NYAP2: variants seen among roughly 807,000 people sequenced by gnomAD.
The protein encoded by NYAP2 is neuronal tyrosine-phosphorylated phosphoinositide-3-kinase adaptor 2.
NYAP2 carries 23 observed loss-of-function variants against 50.4 expected under a neutral mutation model. The ratio of observed to expected loss-of-function variants is 0.46; its 90% CI spans 0.33 to 0.65. The LOEUF is 0.65. Ranked by LOEUF, NYAP2 falls within the 30% of genes least tolerant of loss-of-function variation. The pLI, the probability that NYAP2 is intolerant of heterozygous loss-of-function variation, is 0.02. For synonymous variants in NYAP2, 394 were observed against 365.2 expected (o/e 1.08, Z -0.90); for missense variants, 885 against 861.0 (o/e 1.03, Z -0.35).
At chr2:225,410,527 G>A (rs962214429) in intron 3 of NYAP2, among the ~76,000 whole-genome samples, 8 of 151,734 alleles carry the variant, frequency 5.3e-5, no homozygotes, top group African/African-American at 1.7e-4. Flanking sequence ...AAAATACAAC[G>A]GATGGCCTAC....
chr2:225,549,813 T>C (rs12233226), intron 4 of NYAP2, among the ~76,000 whole-genome samples: 45,038 of 151,574 alleles, frequency 0.3, 7,847 homozygotes, highest in African/African-American at 0.5. Flanking sequence ...GAAACCCCCC[T>C]GTTTGTACTA....
intron 6 of NYAP2, among the ~76,000 whole-genome samples, chr2:225,629,906 C>T (rs1005721260): frequency 6.6e-6 from 1 of 152,110 alleles, no homozygotes; most frequent in Non-Finnish European, 1.5e-5. Context: ...CATGAGTTTT[C>T]GTGAGAACAA....
chr2:225,471,450 G>T (rs1690011191), intron 3 of NYAP2, among the ~76,000 whole-genome samples: 1 of 151,984 alleles, frequency 6.6e-6, no homozygotes, highest in East Asian at 1.9e-4. Context: ...TTTATTCTCT[G>T]CGTGCAAGAA....
At chr2:225,537,551 A>G (rs996474034) in intron 4 of NYAP2, among the ~76,000 whole-genome samples, 7 of 152,154 alleles carry the variant, frequency 4.6e-5, no homozygotes, top group East Asian at 3.9e-4. Context: ...CTTATTCACT[A>G]TCATGATAAT....
chr2:225,415,900 C>CCAT (rs1313812762), intron 3 of NYAP2, among the ~76,000 whole-genome samples: 1 of 152,000 alleles, frequency 6.6e-6, no homozygotes, highest in Non-Finnish European at 1.5e-5. Flanking sequence ...AAGCCCTCAG[C>CCAT]CATCCTCCTA....
chr2:225,584,836 A>G (rs1415528490), intron 5 of NYAP2, among the ~76,000 whole-genome samples: 2 of 152,238 alleles, frequency 1.3e-5, no homozygotes, highest in Non-Finnish European at 2.9e-5. Flanking sequence ...ATGTACATAC[A>G]TACATAAAAT....
intron 3 of NYAP2, among the ~76,000 whole-genome samples, chr2:225,480,994 C>A (rs1463384253): frequency 6.6e-6 from 1 of 152,028 alleles, no homozygotes; most frequent in Non-Finnish European, 1.5e-5. Flanking sequence ...GTCTCAAGAA[C>A]ATAACTTTAT....
At chr2:225,449,479 C>A (rs1291823738) in intron 3 of NYAP2, among the ~76,000 whole-genome samples, 1 of 151,996 alleles carries the variant, frequency 6.6e-6, no homozygotes, top group African/African-American at 2.4e-5. Flanking sequence ...AATATGAGAT[C>A]ATTAAATGTG....
intron 3 of NYAP2, among the ~76,000 whole-genome samples, chr2:225,417,665 C>G (rs1348502607): frequency 2.0e-5 from 3 of 151,806 alleles, no homozygotes; most frequent in Non-Finnish European, 2.9e-5. Flanking sequence ...CTAAGTATAC[C>G]ACTCAGCATA....
intron 6 of NYAP2, among the ~76,000 whole-genome samples, chr2:225,643,477 G>C (rs914410598): frequency 1.3e-5 from 2 of 151,114 alleles, no homozygotes; most frequent in Non-Finnish European, 2.9e-5. Flanking sequence ...AAGTTTTAGG[G>C]TACATGTGCA....
chr2:225,631,848 C>T (rs964427199), intron 6 of NYAP2, among the ~76,000 whole-genome samples: 4 of 152,108 alleles, frequency 2.6e-5, no homozygotes, highest in African/African-American at 9.7e-5. Flanking sequence ...GATGGAGTCT[C>T]ACCCTGTCAC....
At chr2:225,550,754 C>A (rs1392056667) in intron 4 of NYAP2, among the ~76,000 whole-genome samples, 2 of 152,156 alleles carry the variant, frequency 1.3e-5, no homozygotes, top group African/African-American at 4.8e-5. Flanking sequence ...AGGAAAGCCC[C>A]TGATAAGCTG....
intron 2 of NYAP2, among the ~76,000 whole-genome samples, chr2:225,406,089 A>T (rs10498187): frequency 0.79 from 119,948 of 151,672 alleles, 47,666 homozygotes; most frequent in Non-Finnish European, 0.82. Context: ...ACTCACAACA[A>T]GGGTCTATTC....
At chr2:225,674,973 A>T in the NYAP2 span, among the ~76,000 whole-genome samples, 1 of 152,130 alleles carries the variant, frequency 6.6e-6, no homozygotes, top group African/African-American at 2.4e-5. Context: ...TTAACAGGAA[A>T]GAAAGGATGA....
At chr2:225,615,680 G>A (rs1692975902) in intron 5 of NYAP2, among the ~76,000 whole-genome samples, 1 of 152,134 alleles carries the variant, frequency 6.6e-6, no homozygotes, top group Non-Finnish European at 1.5e-5. Flanking sequence ...TGGTCACCAT[G>A]ACCTGTATTC....
At position 225,643,158 on chromosome 2, in the gene NYAP2, T is replaced by C. The variant is rs78254157; in HGVS notation, c.1829-8274T>C. Among the ~76,000 whole-genome samples the C allele has an allele frequency of 9.0e-3, 1,376 of 152,252 alleles. 12 individuals carry two copies. The highest frequency in any genetic ancestry group is 0.014 in the Non-Finnish European group (936 of 68,012). ...AATGAGTAGAACCTTGGAATTTGCT[T>C]CTTGTTATAGATGATAAAAAATCCC... On this transcript the variant is annotated intron_variant, in intron 6 of 6. Transcript: ENST00000636099.
chr2:225,523,550 A>G (rs1231736078), intron 4 of NYAP2, among the ~76,000 whole-genome samples: 1 of 152,148 alleles, frequency 6.6e-6, no homozygotes, highest in Non-Finnish European at 1.5e-5. Flanking sequence ...CAAAATACTG[A>G]TGAAAGAAAT....
intron 5 of NYAP2, among the ~76,000 whole-genome samples, chr2:225,602,222 G>A (rs1230930629): frequency 7.9e-5 from 12 of 152,256 alleles, no homozygotes; most frequent in South Asian, 4.1e-4. Flanking sequence ...TGAAGGCTTC[G>A]CCTGGGACCA....
At chr2:225,663,914 TCTTGGAACACCCTCCCTAGTC>T in the NYAP2 span, among the ~76,000 whole-genome samples, 1 of 152,110 alleles carries the variant, frequency 6.6e-6, no homozygotes, top group African/African-American at 2.4e-5. Flanking sequence ...TCTTCCTTCT[TCTTGGAACACCCTCCCTAGTC>T]CTTGACTCCT....
Sources: allele counts gnomAD v4.1 joint callset (sites outside exome capture counted in the v4.1 genomes callset), GRCh38; gene constraint gnomAD v4.1.1; transcripts MANE v1.5; gene names NCBI Gene and HGNC (gene_info 2026-07-23, HGNC 2026-07-21).